The following PSMF1 variants were observed in gnomAD, a reference collection of about 807,000 sequenced individuals.
The protein encoded by PSMF1 is proteasome inhibitor subunit 1.
A neutral mutation model predicts 29.3 loss-of-function variants in PSMF1; 30 were observed. The ratio of observed to expected loss-of-function variants is 1.02; its 90% confidence interval spans 0.77 to 1.39. The LOEUF (loss-of-function observed/expected upper bound fraction) is 1.39, where lower values mean the gene tolerates loss of function less well. Among genes scored for constraint, PSMF1 ranks in the 40% most tolerant of loss-of-function variants. The probability of loss-of-function intolerance (pLI) is 0.00; values close to 1 mark genes in which losing one functional copy is unlikely to be tolerated. For missense variants in PSMF1, 344 were observed against 357.5 expected (o/e 0.96, Z 0.31); for synonymous variants, 134 against 139.7 (o/e 0.96, Z 0.29).
At position 1,171,740 on chromosome 20, in the gene PSMF1, T is replaced by C. The variant is rs889992850; in HGVS notation, c.*6660T>C. ...GGAGCCAGCTCAGGTCAGTGTCTGC[T>C]GCTTCCTTACCCAGGATGGCCCACT... On this transcript the variant is annotated 3_prime_UTR_variant, in exon 7 of 7. Coordinates refer to ENST00000335877, the MANE Select transcript of PSMF1 (RefSeq NM_006814.5). Among the ~76,000 whole-genome samples, 3 of 152,308 alleles carry C rather than the reference T, an allele frequency of 2.0e-5. No individual in the cohort carries two copies. The highest frequency in any genetic ancestry group is 1.3e-4 in the Admixed American group (2 of 15,300).
chr20:1,121,266 G>A (rs923713522), intron 1 of PSMF1, among the ~76,000 whole-genome samples: 2 of 152,282 alleles, frequency 1.3e-5, no homozygotes, highest in East Asian at 3.9e-4. Flanking sequence ...AGGCCCAGGA[G>A]CCTGGGGAAT....
At chr20:1,161,226 G>A (rs920763271) in intron 4 of PSMF1, 18 of 318,958 alleles carry the variant, frequency 5.6e-5, no homozygotes, top group African/African-American at 3.1e-4. Context: ...GCAGTGCTGC[G>A]TCGCCCCGGA....
At chr20:1,135,094 A>G in intron 3 of PSMF1, 27 bp from the exon 4 acceptor site, 5 of 1,613,314 alleles carry the variant, frequency 3.1e-6, no homozygotes, top group Non-Finnish European at 4.2e-6. Flanking sequence ...AACTGCAAGC[A>G]GTTGACTCTT....
At position 1,165,220 on chromosome 20, in the gene PSMF1, C is replaced by A. The variant is rs1454539325; in HGVS notation, c.*140C>A. 1.3e-6 allele frequency: 2 copies of A among 1,489,586 alleles called. No individual in the cohort carries two copies. Among genetic ancestry groups the A allele is most frequent in the East Asian group, 2.5e-5 (1 of 40,638 alleles). The allele number at this position is 1,489,586 out of a possible 1,614,324, so 92.3% of individuals were successfully genotyped here. On this transcript the variant is annotated 3_prime_UTR_variant, in exon 7 of 7. Coordinates refer to ENST00000335877, the MANE Select transcript of PSMF1 (RefSeq NM_006814.5). ...TTTGCAGACCGGCTGGGATAGCCTC[C>A]CCACCCCTTATCAGAGCCAAGACAC... is the stretch of plus-strand genomic sequence containing the variant.
chr20:1,161,894 A>G (rs1024088740), intron 4 of PSMF1, among the ~76,000 whole-genome samples: 3 of 152,166 alleles, frequency 2.0e-5, no homozygotes, highest in African/African-American at 2.4e-5. Context: ...CCTTGTATTC[A>G]AGTTAACTGT....
In PSMF1 at chr20:1,170,710, A is replaced by G. The variant is rs1375963890; in HGVS notation, c.*5630A>G. Among the ~76,000 whole-genome samples the G allele has an allele frequency of 6.6e-6, 1 of 151,768 alleles. No individual in the cohort carries two copies. The highest frequency in any genetic ancestry group is 2.4e-5 in the African/African-American group (1 of 41,296). On this transcript the variant is annotated 3_prime_UTR_variant, in exon 7 of 7. Coordinates refer to ENST00000335877, the MANE Select transcript of PSMF1 (RefSeq NM_006814.5). ...ACCTGCAGGATTCTTGCAAGATCCA[A>G]CCAAATAATGTGTCTTATTAACAGA... is the stretch of plus-strand genomic sequence containing the variant.
chr20:1,171,619 T>TC lies in PSMF1; in HGVS notation c.*6542dup, dbSNP rs766502341. On this transcript the variant is annotated 3_prime_UTR_variant, in exon 7 of 7. Transcript: ENST00000335877. ...GGACCCCTTCTTTCCCCCTCCCAGT[T>TC]CCCGCAGCTAGGCTGAGTGTTAAGA... 2.0e-5 allele frequency among the ~76,000 whole-genome samples: 3 copies of TC among 152,126 alleles called. No homozygotes were observed. The highest frequency in any genetic ancestry group is 4.4e-5 in the Non-Finnish European group (3 of 68,026).
At chr20:1,118,525 G>T (rs760853282), upstream of PSMF1, 10 of 375,176 alleles carry the variant, frequency 2.7e-5, no homozygotes, top group Non-Finnish European at 4.8e-5. Flanking sequence ...ACTCCCTGGC[G>T]GAACCTTTCA....
rs544052076 is a variant in PSMF1 at position 1,168,702 on chromosome 20, T to G, written c.*3622T>G. On this transcript the variant is annotated 3_prime_UTR_variant, in exon 7 of 7. Coordinates refer to ENST00000335877, the MANE Select transcript of PSMF1 (RefSeq NM_006814.5). ...GCCTCACTCTTTGGAACCTAGTTTC[T>G]CCTATGGCCTCCCTTTCTACTGTTG... is the stretch of plus-strand genomic sequence containing the variant. Among the ~76,000 whole-genome samples, 36 of 152,310 alleles carry G rather than the reference T, an allele frequency of 2.4e-4. No individual in the cohort carries two copies. Among genetic ancestry groups the G allele is most frequent in the Admixed American group, 5.2e-4 (8 of 15,296 alleles).
At chr20:1,137,823 T>TA (rs1004409190) in intron 4 of PSMF1, among the ~76,000 whole-genome samples, 16 of 152,306 alleles carry the variant, frequency 1.1e-4, no homozygotes, top group African/African-American at 1.7e-4. Flanking sequence ...CTGCTTATGT[T>TA]AAAAAAAGTC....
intron 4 of PSMF1, among the ~76,000 whole-genome samples, chr20:1,139,986 T>C (rs1201093977): frequency 1.3e-5 from 2 of 152,210 alleles, no homozygotes; most frequent in South Asian, 2.1e-4. Flanking sequence ...CATTCTGTGC[T>C]CACGGCTAGG....
At chr20:1,151,663 TG>T (rs2086532446) in intron 4 of PSMF1, among the ~76,000 whole-genome samples, 1 of 152,230 alleles carries the variant, frequency 6.6e-6, no homozygotes, top group Non-Finnish European at 1.5e-5. Context: ...AGGGGCTAAT[TG>T]CCCTTTTCAT....
intron 3 of PSMF1, among the ~76,000 whole-genome samples, chr20:1,130,019 C>T (rs769285519): frequency 7.2e-5 from 11 of 152,174 alleles, no homozygotes; most frequent in Non-Finnish European, 1.5e-4. Flanking sequence ...CTGGCCCGTG[C>T]TACAACATGG....
chr20:1,166,285 A>G lies in PSMF1; in HGVS notation c.*1205A>G. ...CCTGTTCTGGAGTGGAAAGAGCACGATAGAGCACCAGGCTAAGAGGCACGA... is the reference window on the plus strand; with the variant it reads ...CCTGTTCTGGAGTGGAAAGAGCACGGTAGAGCACCAGGCTAAGAGGCACGA... On this transcript the variant is annotated 3_prime_UTR_variant, in exon 7 of 7. Coordinates refer to ENST00000335877, the MANE Select transcript of PSMF1 (RefSeq NM_006814.5). 1.9e-6 allele frequency: 3 copies of G among 1,606,540 alleles called. No individual in the cohort carries two copies. Among genetic ancestry groups the G allele is most frequent in the Non-Finnish European group, 2.6e-6 (3 of 1,174,944 alleles).
chr20:1,141,049 A>G (rs1399383816), intron 4 of PSMF1, among the ~76,000 whole-genome samples: 1 of 152,260 alleles, frequency 6.6e-6, no homozygotes, highest in East Asian at 1.9e-4. Context: ...CCTTTAAAAC[A>G]TCACGTTAAG....
At chr20:1,115,771 C>T (rs1348865661), upstream of PSMF1, among the ~76,000 whole-genome samples, 3 of 144,882 alleles carry the variant, frequency 2.1e-5, no homozygotes, top group South Asian at 4.3e-4. Context: ...CTCTCTTTAT[C>T]ACCCAGGCTA....
At chr20:1,129,205 G>T (rs2086198652) in intron 3 of PSMF1, among the ~76,000 whole-genome samples, 3 of 152,066 alleles carry the variant, frequency 2.0e-5, no homozygotes. Context: ...ATAGAGACAG[G>T]GTTTTGCTGT....
rs886689229 is a variant in PSMF1 at position 1,118,823 on chromosome 20, G to C, written c.50G>C (p.Cys17Ser). 3 of 1,613,610 alleles carry C rather than the reference G, an allele frequency of 1.9e-6. No homozygotes were observed. The highest frequency in any genetic ancestry group is 2.5e-6 in the Non-Finnish European group (3 of 1,179,684). Reference sequence around the variant, plus strand: ...GCATCGGCAGCGCCGGCCATCACCTGCAGGCAGGACGCGCTCGTCTGCTTC... The same window carrying C: ...GCATCGGCAGCGCCGGCCATCACCTCCAGGCAGGACGCGCTCGTCTGCTTC... The part of the protein sequence containing the change: ...LFASAAPAIT[C>S]RQDALVCFLH... The change falls in exon 1 of 7, where the codon TGC becomes TCC. Residue 17 changes from cysteine (C) to serine (S), a missense_variant. Cys to Ser is a moderately radical substitution (Grantham distance 112). Coordinates refer to ENST00000335877, the MANE Select transcript of PSMF1 (RefSeq NM_006814.5).
intron 4 of PSMF1, among the ~76,000 whole-genome samples, chr20:1,145,673 A>T (rs1317038063): frequency 1.3e-5 from 2 of 152,178 alleles, no homozygotes; most frequent in Non-Finnish European, 2.9e-5. Flanking sequence ...GAAAATTACC[A>T]AGAAGTGATG....
Sources: allele counts gnomAD v4.1 joint callset (sites outside exome capture counted in the v4.1 genomes callset), GRCh38; gene constraint gnomAD v4.1.1; transcripts MANE v1.5; gene names NCBI Gene and HGNC (gene_info 2026-07-23, HGNC 2026-07-21).